Variants in NDUFA9 observed in about 807,000 individuals in gnomAD.
The protein encoded by NDUFA9 is NADH dehydrogenase [ubiquinone] 1 alpha subcomplex subunit 9, mitochondrial.
NDUFA9 carries 23 observed loss-of-function variants against 45.9 expected under a neutral mutation model. That is an observed-to-expected ratio of 0.50 (90% CI 0.36 to 0.71). NDUFA9 has a LOEUF of 0.71. Ranked by LOEUF, NDUFA9 falls within the 30% of genes least tolerant of loss-of-function variation. The probability of loss-of-function intolerance (pLI) is 0.00; values close to 1 mark genes in which losing one functional copy is unlikely to be tolerated. For missense variants in NDUFA9, 466 were observed against 488.2 expected (o/e 0.95, Z 0.43); for synonymous variants, 176 against 170.5 (o/e 1.03, Z -0.25).
At chr12:4,675,617 T>C (rs991389119) in intron 8 of NDUFA9, among the ~76,000 whole-genome samples, 2 of 152,042 alleles carry the variant, frequency 1.3e-5, no homozygotes, top group Non-Finnish European at 2.9e-5. Flanking sequence ...CAGGAAGAAA[T>C]TGAATCCCTT....
rs1393357387 is a variant in NDUFA9, at chr12:4,669,725, TTA to T, written c.724-13_724-12del. The T allele has an allele frequency of 6.7e-7, 1 of 1,502,194 alleles. No homozygotes were observed. Among genetic ancestry groups the T allele is most frequent in the African/African-American group, 1.4e-5 (1 of 72,636 alleles). The allele number at this position is 1,502,194 out of a possible 1,614,324, so 93.1% of individuals were successfully genotyped here. On this transcript the variant is annotated splice_polypyrimidine_tract_variant and intron_variant, in intron 7 of 10. Coordinates refer to ENST00000266544, the MANE Select transcript of NDUFA9 (RefSeq NM_005002.5). ...TTTTCAACAATTACTTAGACATATA[TTA>T]TAATTTCTTACAGGTCGTAGATGTA...
rs764587106 is a variant in NDUFA9 at position 4,654,388 on chromosome 12, C to G, written c.146C>G (p.Ser49Cys). 2 of 1,614,152 alleles carry G rather than the reference C, an allele frequency of 1.2e-6. No homozygotes were observed. The highest frequency in any genetic ancestry group is 1.7e-6 in the Non-Finnish European group (2 of 1,180,002). ...ATGCCTCATGGGAAAGGTGGACGTT[C>G]CTCAGTCAGTGGGATTGTGGCCACT... ...ALMPHGKGGR[S>C]SVSGIVATVF... The change falls in exon 2 of 11, where the codon TCC (serine) becomes TGC (cysteine). Residue 49 changes from serine (S) to cysteine (C), a missense_variant. Coordinates refer to ENST00000266544, the MANE Select transcript of NDUFA9 (RefSeq NM_005002.5).
At chr12:4,683,171 T>A (rs1945963955) in intron 9 of NDUFA9, among the ~76,000 whole-genome samples, 1 of 125,996 alleles carries the variant, frequency 7.9e-6, no homozygotes. Flanking sequence ...TGAGACCCTG[T>A]CTCTGGAACA....
At chr12:4,652,361 C>T (rs1945764457) in intron 1 of NDUFA9, among the ~76,000 whole-genome samples, 2 of 152,158 alleles carry the variant, frequency 1.3e-5, no homozygotes, top group Admixed American at 6.5e-5. Context: ...CTTGTTTTCT[C>T]TAGTTCCATT....
rs985810645 is a variant in NDUFA9, at chr12:4,687,179, G to A, written c.*71G>A. 36 of 1,464,406 alleles carry A rather than the reference G, an allele frequency of 2.5e-5. No homozygotes were observed. Among genetic ancestry groups the A allele is most frequent in the Middle Eastern group, 1.9e-4 (1 of 5,270 alleles). 90.7% of individuals were successfully genotyped at this position (1,464,406 alleles called of 1,614,324 possible). On this transcript the variant is annotated 3_prime_UTR_variant, in exon 11 of 11. Transcript: ENST00000266544. ...ATGTGGTTTGAGCACCCAGCCAGGC[G>A]GTCTCTTTAGAGGATCCTGTACACA...
rs752552352 is a variant in NDUFA9 at position 4,654,965 on chromosome 12, A to G, written c.318+43A>G. 8 of 1,520,806 alleles carry G rather than the reference A, an allele frequency of 5.3e-6. No individual in the cohort carries two copies. In the South Asian group the frequency reaches 6.9e-5, roughly 13 times the overall value. 94.2% of individuals were successfully genotyped at this position (1,520,806 alleles called of 1,614,324 possible). On this transcript the variant is annotated intron_variant, in intron 3 of 10. Coordinates refer to ENST00000266544, the MANE Select transcript of NDUFA9 (RefSeq NM_005002.5). ...TGAATGAAGTTGACAAATATAAATTACTAAGGTCATTTTTAGGAGTGATAG... is the reference window on the plus strand; with the variant it reads ...TGAATGAAGTTGACAAATATAAATTGCTAAGGTCATTTTTAGGAGTGATAG...
At chr12:4,652,829 G>A (rs1031627463) in intron 1 of NDUFA9, among the ~76,000 whole-genome samples, 6 of 152,270 alleles carry the variant, frequency 3.9e-5, no homozygotes, top group East Asian at 1.9e-4. Context: ...TTATTATGAT[G>A]TGTGGTCCAT....
At chr12:4,671,278 G>A (rs1315655214) in intron 8 of NDUFA9, among the ~76,000 whole-genome samples, 1 of 151,998 alleles carries the variant, frequency 6.6e-6, no homozygotes, top group Non-Finnish European at 1.5e-5. Context: ...ACACAACTGT[G>A]ATGATGAATA....
chr12:4,674,828 C>T (rs760083055), intron 8 of NDUFA9, among the ~76,000 whole-genome samples: 3 of 152,200 alleles, frequency 2.0e-5, no homozygotes, highest in African/African-American at 4.8e-5. Context: ...ACCTAATAGA[C>T]GTCTACAGAA....
rs185814763 is a variant in NDUFA9 at position 4,680,943 on chromosome 12, G to A, written c.801-1262G>A. On this transcript the variant is annotated intron_variant, in intron 8 of 10. Coordinates refer to ENST00000266544, the MANE Select transcript of NDUFA9 (RefSeq NM_005002.5). ...ACTATTCAGATTAATGGAATAGAGCGGAACGTTCAGAAACAGTCCCATTAT... is the reference window on the plus strand; with the variant it reads ...ACTATTCAGATTAATGGAATAGAGCAGAACGTTCAGAAACAGTCCCATTAT... 3.9e-4 allele frequency among the ~76,000 whole-genome samples: 60 copies of A among 152,202 alleles called. 1 individual carries two copies. Among genetic ancestry groups the A allele is most frequent in the East Asian group, 3.3e-3 (17 of 5,182 alleles).
At chr12:4,682,140 T>G in intron 8 of NDUFA9, 65 bp from the exon 9 acceptor site, 1 of 1,233,468 alleles carries the variant, frequency 8.1e-7, no homozygotes, top group Non-Finnish European at 1.2e-6. Context: ...AAAATGTTAT[T>G]TTGTTATAAA....
At chr12:4,658,645 G>A (rs1945805211) in intron 4 of NDUFA9, among the ~76,000 whole-genome samples, 1 of 152,188 alleles carries the variant, frequency 6.6e-6, no homozygotes. Flanking sequence ...AGAACATGAA[G>A]TATACTGGAT....
chr12:4,654,993 A>C lies in NDUFA9; in HGVS notation c.318+71A>C, dbSNP rs1409949742. The C allele has an allele frequency of 5.7e-6, 7 of 1,235,336 alleles. No individual in the cohort carries two copies. The African/African-American group carries it at 9.1e-5, about 16-fold the overall frequency. 76.5% of individuals were successfully genotyped at this position (1,235,336 alleles called of 1,614,324 possible). A position where few individuals can be genotyped will look rare whatever the true frequency, so the allele number is the denominator to read the frequency against. On this transcript the variant is annotated intron_variant, in intron 3 of 10. Transcript: ENST00000266544. Reference sequence around the variant, plus strand: ...AAGGTCATTTTTAGGAGTGATAGGCAGTATAATAAAGCAGTAATTTCTTCC... The same window carrying C: ...AAGGTCATTTTTAGGAGTGATAGGCCGTATAATAAAGCAGTAATTTCTTCC...
At chr12:4,678,630 G>A (rs1428907924) in intron 8 of NDUFA9, among the ~76,000 whole-genome samples, 2 of 152,038 alleles carry the variant, frequency 1.3e-5, no homozygotes, top group African/African-American at 4.8e-5. Flanking sequence ...TTTAATATGA[G>A]CAAAAGACAT....
chr12:4,671,098 C>G (rs1039120729), intron 8 of NDUFA9, among the ~76,000 whole-genome samples: 17 of 152,260 alleles, frequency 1.1e-4, no homozygotes, highest in African/African-American at 3.9e-4. Flanking sequence ...ATCTCTTCAG[C>G]CCCAGGAAAA....
chr12:4,656,564 G>T (rs1382865531), intron 3 of NDUFA9, among the ~76,000 whole-genome samples: 1 of 152,172 alleles, frequency 6.6e-6, no homozygotes, highest in Non-Finnish European at 1.5e-5. Flanking sequence ...GGACTATTTG[G>T]GGTGTGAGGT....
At chr12:4,672,366 G>C (rs1206337446) in intron 8 of NDUFA9, among the ~76,000 whole-genome samples, 1 of 152,182 alleles carries the variant, frequency 6.6e-6, no homozygotes, top group Non-Finnish European at 1.5e-5. Context: ...GTGGCACCTG[G>C]AACGCCAGTG....
chr12:4,656,733 G>A (rs79407110), intron 3 of NDUFA9, among the ~76,000 whole-genome samples: 6 of 152,238 alleles, frequency 3.9e-5, no homozygotes, highest in African/African-American at 9.6e-5. Context: ...TCACTTAATC[G>A]TCATAATAAC....
At chr12:4,679,044 GAAATA>G (rs1355149996) in intron 8 of NDUFA9, among the ~76,000 whole-genome samples, 1 of 152,094 alleles carries the variant, frequency 6.6e-6, no homozygotes, top group Non-Finnish European at 1.5e-5. Flanking sequence ...GATGAAAGGA[GAAATA>G]AAATATAGTA....
Sources: allele counts gnomAD v4.1 joint callset (sites outside exome capture counted in the v4.1 genomes callset), GRCh38; gene constraint gnomAD v4.1.1; transcripts MANE v1.5; gene names NCBI Gene and HGNC (gene_info 2026-07-23, HGNC 2026-07-21).